The following RGS6 variants were observed in gnomAD, a reference collection of about 807,000 sequenced individuals.
The protein encoded by RGS6 is regulator of G-protein signaling 6.
RGS6 carries 30 observed loss-of-function variants against 78.5 expected under a neutral mutation model. That is an observed-to-expected ratio of 0.38 (90% CI 0.29 to 0.52). The LOEUF (loss-of-function observed/expected upper bound fraction) is 0.52. Among genes scored for constraint, RGS6 ranks in the 20% least tolerant of loss-of-function variants. The probability of loss-of-function intolerance (pLI) is 0.85; values close to 1 mark genes in which losing one functional copy is unlikely to be tolerated. For missense variants in RGS6, 495 were observed against 609.7 expected (o/e 0.81, Z 1.98); for synonymous variants, 206 against 206.0 (o/e 1.00, Z 0.00).
Position 72,322,469 on chromosome 14 carries a change from A to G in RGS6, c.85-29626A>G, listed in dbSNP as rs192480703. 2.1e-3 allele frequency among the ~76,000 whole-genome samples: 325 copies of G among 152,168 alleles called. 1 individual carries two copies. The highest frequency in any genetic ancestry group is 0.02 in the Middle Eastern group (6 of 294). Reference sequence around the variant, plus strand: ...CCAGTCCTGGAATATTTCACAGATTACTTCTACCAAACCTATAAGGAAAAA... The same window carrying G: ...CCAGTCCTGGAATATTTCACAGATTGCTTCTACCAAACCTATAAGGAAAAA... On this transcript the variant is annotated intron_variant, in intron 2 of 17. Coordinates refer to ENST00000553525, the MANE Select transcript of RGS6 (RefSeq NM_001204424.2).
intron 2 of RGS6, among the ~76,000 whole-genome samples, chr14:72,324,624 C>T (rs146492878): frequency 0.035 from 5,251 of 152,016 alleles, 187 homozygotes; most frequent in African/African-American, 0.089. Flanking sequence ...TCTGTCCTTG[C>T]GATAGTTTGC....
chr14:72,449,352 C>T (rs1205511362), intron 3 of RGS6, among the ~76,000 whole-genome samples: 1 of 152,170 alleles, frequency 6.6e-6, no homozygotes, highest in Non-Finnish European at 1.5e-5. Flanking sequence ...GTGATGGGAA[C>T]CAGTCTTTTT....
intron 2 of RGS6, among the ~76,000 whole-genome samples, chr14:72,229,363 GA>G (rs2048953459): frequency 6.9e-6 from 1 of 144,290 alleles, no homozygotes; most frequent in Non-Finnish European, 1.5e-5. Context: ...AGCAGATCTT[GA>G]ACCTTGTGGG....
At chr14:72,586,364 G>C in the RGS6 span, among the ~76,000 whole-genome samples, 365 of 152,252 alleles carry the variant, frequency 2.4e-3, 2 homozygotes, top group African/African-American at 8.5e-3. Context: ...GAGAAAACTG[G>C]TTGCTGAAAA....
intron 6 of RGS6, 22 bp from the exon 7 acceptor site, chr14:72,465,736 G>A (rs753302294): frequency 1.9e-6 from 3 of 1,597,060 alleles, no homozygotes; most frequent in African/African-American, 2.7e-5. Context: ...TGTACATGTT[G>A]TCATTTCCTT....
At chr14:71,986,552 A>G (rs1243869228) in intron 2 of RGS6, among the ~76,000 whole-genome samples, 1 of 151,770 alleles carries the variant, frequency 6.6e-6, no homozygotes, top group South Asian at 2.1e-4. Flanking sequence ...AAAAAAAAAA[A>G]TACAAAAGTT....
intron 2 of RGS6, among the ~76,000 whole-genome samples, chr14:72,213,715 AT>A (rs1219202933): frequency 5.3e-5 from 8 of 152,120 alleles, no homozygotes; most frequent in African/African-American, 1.4e-4. Context: ...AGCCATGTTT[AT>A]TCCTCTTCAT....
intron 2 of RGS6, among the ~76,000 whole-genome samples, chr14:71,980,747 T>C (rs1401378316): frequency 1.3e-5 from 1 of 79,408 alleles, no homozygotes; most frequent in Non-Finnish European, 2.5e-5. Context: ...GTCTTGGAGT[T>C]GCTCTTCTCG....
chr14:72,525,364 T>G (rs1476102841), intron 15 of RGS6, among the ~76,000 whole-genome samples: 1 of 152,170 alleles, frequency 6.6e-6, no homozygotes, highest in Non-Finnish European at 1.5e-5. Context: ...GAGGTTCCTT[T>G]CCTTAAGCGG....
At chr14:72,265,957 C>A in intron 2 of RGS6, among the ~76,000 whole-genome samples, 1 of 149,796 alleles carries the variant, frequency 6.7e-6, no homozygotes, top group Non-Finnish European at 1.5e-5. Flanking sequence ...GGGCGGGAGG[C>A]AGGTGGGAGG....
the RGS6 span, among the ~76,000 whole-genome samples, chr14:72,615,218 G>A: frequency 0.013 from 2,039 of 152,140 alleles, 52 homozygotes; most frequent in African/African-American, 0.046. Context: ...CTCAGGGCCC[G>A]CCCTGGGCCA....
At chr14:72,416,732 A>T (rs1406537529) in intron 3 of RGS6, among the ~76,000 whole-genome samples, 1 of 152,186 alleles carries the variant, frequency 6.6e-6, no homozygotes, top group East Asian at 1.9e-4. Context: ...AAGGAACAAG[A>T]ACCTGTCTCT....
chr14:72,059,136 G>C (rs1173684311), intron 2 of RGS6, among the ~76,000 whole-genome samples: 2 of 152,128 alleles, frequency 1.3e-5, no homozygotes, highest in African/African-American at 4.8e-5. Context: ...CTGATCTCAA[G>C]TGATCCGCCT....
At chr14:72,061,522 T>C (rs1486742885) in intron 2 of RGS6, among the ~76,000 whole-genome samples, 2 of 152,158 alleles carry the variant, frequency 1.3e-5, no homozygotes, top group African/African-American at 4.8e-5. Context: ...TAGCATAATA[T>C]TGAGATTTTG....
chr14:72,588,300 A>G, the RGS6 span, among the ~76,000 whole-genome samples: 1 of 152,116 alleles, frequency 6.6e-6, no homozygotes, highest in Non-Finnish European at 1.5e-5. Flanking sequence ...CATATCTGAG[A>G]CATGCCCTAG....
chr14:72,065,441 A>G (rs893844821), intron 2 of RGS6, among the ~76,000 whole-genome samples: 2 of 152,226 alleles, frequency 1.3e-5, no homozygotes, highest in African/African-American at 4.8e-5. Context: ...ATGATGCACA[A>G]TCCCTTAAGT....
the RGS6 span, among the ~76,000 whole-genome samples, chr14:72,608,315 C>T: frequency 6.6e-6 from 1 of 152,136 alleles, no homozygotes; most frequent in Admixed American, 6.5e-5. Flanking sequence ...AACCAATTCC[C>T]GCATGGACCA....
rs143073021 is a variant in RGS6, at chr14:72,011,235, T to G, written c.84+46360T>G. ...TTTATCTTCTTTCCATCTAATTTTT[T>G]ACAATTTTTATTGTTTTTTCTTGTG... On this transcript the variant is annotated intron_variant, in intron 2 of 17. Transcript: ENST00000553525. Among the ~76,000 whole-genome samples, 5 of 152,356 alleles carry G rather than the reference T, an allele frequency of 3.3e-5. No individual in the cohort carries two copies. The East Asian group carries it at 9.6e-4, about 29-fold the overall frequency.
chr14:72,629,599 C>G, the RGS6 span: 2 of 1,524,490 alleles, frequency 1.3e-6, no homozygotes, highest in Non-Finnish European at 1.8e-6. Flanking sequence ...ATTTCTCCCT[C>G]CCACAGGGAA....
Sources: gnomAD v4.1 joint callset for allele counts (sites outside exome capture counted in the v4.1 genomes callset) on GRCh38, gnomAD v4.1.1 for gene constraint, MANE v1.5 for transcripts, NCBI Gene and HGNC (gene_info 2026-07-23, HGNC 2026-07-21) for gene names.